Variants in COL6A1 observed in about 807,000 individuals in gnomAD.
COL6A1 encodes the protein collagen type VI alpha 1 chain, also known as collagen alpha-1(VI) chain.
A neutral mutation model predicts 145.6 loss-of-function variants in COL6A1; 80 were observed. The observed-to-expected ratio is 0.55, with a 90% CI of 0.46 to 0.66. The LOEUF is 0.66. Among genes scored for constraint, COL6A1 ranks in the 30% least tolerant of loss-of-function variants. COL6A1 has a pLI of 0.00. For missense variants in COL6A1, 1,364 were observed against 1,473.8 expected (o/e 0.93, Z 1.22); for synonymous variants, 638 against 622.8 (o/e 1.02, Z -0.36).
rs756351327 is a variant in COL6A1 at position 45,982,758 on chromosome 21, G to A, written c.222G>A (p.Arg74=). The change falls in exon 2 of 35, where the codon AGG becomes AGA. Residue 74 remains arginine (R), a synonymous_variant. Transcript: ENST00000361866. ...SFTKRFIDNL[R]DRYYRCDRNL... is the part of the protein sequence containing the mutation. ...CCAAGCGCTTCATCGACAACCTGAGGGACAGGTAGGAGGGACGCCCCGTGA... is the reference window on the plus strand; with the variant it reads ...CCAAGCGCTTCATCGACAACCTGAGAGACAGGTAGGAGGGACGCCCCGTGA... 3.1e-6 allele frequency: 5 copies of A among 1,612,230 alleles called. No homozygotes were observed. Among genetic ancestry groups the A allele is most frequent in the Non-Finnish European group, 4.2e-6 (5 of 1,179,936 alleles).
chr21:45,993,299 A>G (rs998594831), intron 19 of COL6A1, among the ~76,000 whole-genome samples: 1 of 152,176 alleles, frequency 6.6e-6, no homozygotes, highest in Admixed American at 6.5e-5. Context: ...CCCACAGCCC[A>G]GCCTCAGGGT....
intron 20 of COL6A1, among the ~76,000 whole-genome samples, chr21:45,995,796 A>G (rs1248499356): frequency 2.0e-5 from 3 of 152,020 alleles, no homozygotes; most frequent in Non-Finnish European, 4.4e-5. Context: ...GTGACCCATG[A>G]CTCACAGTTG....
chr21:45,991,107 C>A, intron 15 of COL6A1, 66 bp downstream of exon 15: 1 of 1,556,058 alleles, frequency 6.4e-7, no homozygotes, highest in Non-Finnish European at 8.9e-7. Flanking sequence ...AATTGGAAAC[C>A]TCTCCTGGAA....
At chr21:45,995,620 G>A (rs2077800552) in intron 20 of COL6A1, among the ~76,000 whole-genome samples, 3 of 152,258 alleles carry the variant, frequency 2.0e-5, no homozygotes, top group South Asian at 4.1e-4. Context: ...ACTTTCAAAG[G>A]GTTGTGGTAA....
Position 45,994,147 on chromosome 21 carries a change from C to CA in COL6A1, c.1336-19dup. Reference sequence around the variant, plus strand: ...CCCAAGGATGGCCCAGCTCCACACTCACGGCTCGTTTCTCTTCAGGGTGAA... The same window carrying CA: ...CCCAAGGATGGCCCAGCTCCACACTCAACGGCTCGTTTCTCTTCAGGGTGAA... On this transcript the variant is annotated intron_variant, in intron 19 of 34. Coordinates refer to ENST00000361866, the MANE Select transcript of COL6A1 (RefSeq NM_001848.3). The surrounding 1 kb of genome is among the most constrained non-coding windows in gnomAD (Gnocchi z 6.8). 8.2e-6 allele frequency: 13 copies of CA among 1,588,686 alleles called. No individual in the cohort carries two copies. Among genetic ancestry groups the CA allele is most frequent in the Non-Finnish European group, 7.7e-6 (9 of 1,168,432 alleles).
In COL6A1 at chr21:46,004,259, C is replaced by T. The variant is rs1232902606; in HGVS notation, c.*246C>T. ...CTCAGCCCTGAGCTAGTGTCACCTG[C>T]ACAGGGCCCTCTGAGGCTCAGCCCT... is the stretch of plus-strand genomic sequence containing the variant. On this transcript the variant is annotated 3_prime_UTR_variant, in exon 35 of 35. Coordinates refer to ENST00000361866, the MANE Select transcript of COL6A1 (RefSeq NM_001848.3). 8.5e-6 allele frequency: 5 copies of T among 585,190 alleles called. No individual in the cohort carries two copies. Among genetic ancestry groups the T allele is most frequent in the South Asian group, 6.1e-5 (3 of 49,004 alleles). The allele number at this position is 585,190 out of a possible 1,614,324, so 36.2% of individuals were successfully genotyped here.
chr21:45,981,797 G>A lies in COL6A1; in HGVS notation c.-54G>A, dbSNP rs2077708338. ...AAGGCAGCCTCGGTCTCTGGGCGGC[G>A]GCGGCGGCCCACTCTGCCCTGGCCG... On this transcript the variant is annotated 5_prime_UTR_variant, in exon 1 of 35. Coordinates refer to ENST00000361866, the MANE Select transcript of COL6A1 (RefSeq NM_001848.3). 3 of 1,387,880 alleles carry A rather than the reference G, an allele frequency of 2.2e-6. No homozygotes were observed. Among genetic ancestry groups the A allele is most frequent in the Admixed American group, 2.0e-5 (1 of 48,874 alleles). The allele number at this position is 1,387,880 out of a possible 1,614,324, so 86.0% of individuals were successfully genotyped here. A position where few individuals can be genotyped will look rare whatever the true frequency, so the allele number is the denominator to read the frequency against.
chr21:46,000,176 G>A (rs920525082), intron 27 of COL6A1, among the ~76,000 whole-genome samples, 155 bp from the exon 28 acceptor site: 1 of 151,916 alleles, frequency 6.6e-6, no homozygotes, highest in African/African-American at 2.4e-5. Flanking sequence ...TAGCAGGGGT[G>A]TAGTGGGCAG....
intron 25 of COL6A1, 48 bp from the exon 26 acceptor site, chr21:45,999,105 A>G (rs759134087): frequency 1.5e-4 from 227 of 1,556,662 alleles, no homozygotes; most frequent in Non-Finnish European, 1.9e-4. Context: ...CAGCGCGCAG[A>G]TGCCCGGGTG....
chr21:45,986,889 C>T (rs2077742214), intron 4 of COL6A1, 55 bp from the exon 5 acceptor site: 1 of 1,535,040 alleles, frequency 6.5e-7, no homozygotes, highest in Non-Finnish European at 8.7e-7. Flanking sequence ...TGGGAAGCGG[C>T]CCCGGCCGTC....
chr21:45,987,439 T>C, intron 6 of COL6A1, 60 bp from the exon 7 acceptor site: 16 of 1,609,550 alleles, frequency 9.9e-6, no homozygotes, highest in Non-Finnish European at 1.3e-5. Flanking sequence ...TGTCACCCTG[T>C]GTCCCAGCCG....
intron 13 of COL6A1, 91 bp downstream of exon 13, chr21:45,990,513 GGGGA>G (rs2123472614): frequency 7.0e-7 from 1 of 1,421,044 alleles, no homozygotes; most frequent in East Asian, 2.6e-5. Context: ...AAGGTGACCC[GGGGA>G]GGGATGGGGT....
chr21:45,986,849 C>T (rs569738710), intron 4 of COL6A1, 95 bp from the exon 5 acceptor site: 61 of 1,525,038 alleles, frequency 4.0e-5, no homozygotes, highest in South Asian at 1.7e-4. Context: ...GAGCCTGGAG[C>T]GCCCCAGCCC....
chr21:45,989,474 A>G lies in COL6A1; in HGVS notation c.859-134A>G, dbSNP rs1267135508. 7 of 951,700 alleles carry G rather than the reference A, an allele frequency of 7.4e-6. No homozygotes were observed. In the South Asian group the frequency reaches 8.1e-5, roughly 11 times the overall value. 59.0% of individuals were successfully genotyped at this position (951,700 alleles called of 1,614,324 possible). ...CTCCACCTTGGAGGGCCTCGGCACC[A>G]TGGGCCCCGTGCAGCAGGGCCCCTC... On this transcript the variant is annotated intron_variant, in intron 9 of 34. Transcript: ENST00000361866.
At chr21:45,985,276 A>G (rs948165711) in intron 3 of COL6A1, among the ~76,000 whole-genome samples, 7 of 151,930 alleles carry the variant, frequency 4.6e-5, no homozygotes, top group African/African-American at 1.7e-4. Context: ...ATAGAGACAG[A>G]GGGACAGAGA....
chr21:45,990,001 GGT>G (rs1239715778), intron 11 of COL6A1, among the ~76,000 whole-genome samples: 9 of 11,784 alleles, frequency 7.6e-4, no homozygotes, highest in South Asian at 2.4e-3. Context: ...CCAGAGCAGG[GGT>G]CCCCCGGGCG....
chr21:46,002,249 G>A lies in COL6A1; in HGVS notation c.2098G>A (p.Gly700Ser), dbSNP rs772077155. Residue 700 changes from glycine (G) to serine (S), a missense_variant, in exon 32 of 35, where the codon GGC becomes AGC. This residue lies in a region of COL6A1 where 938 missense variants were observed against 1,003.8 expected (regional missense o/e 0.93). Coordinates refer to ENST00000361866, the MANE Select transcript of COL6A1 (RefSeq NM_001848.3). ...CAAGAGCCTGCAGTGGATGGCGGGC[G>A]GCACCTTCACGGGGGAGGCCCTGCA... ...AIKSLQWMAG[G>S]TFTGEALQYT... The A allele has an allele frequency of 6.2e-6, 10 of 1,602,520 alleles. No individual in the cohort carries two copies. In the Admixed American group the frequency reaches 6.8e-5, roughly 11 times the overall value.
chr21:45,997,755 G>A lies in COL6A1; in HGVS notation c.1517G>A (p.Gly506Asp). ...CCCCCTGGAGACCCGGGGCTGATGG[G>A]TGAAAGGGTGAGTGTCCAACAGCTC... ...AGPPGDPGLM[G>D]ERGEDGPAGN... Residue 506 changes from glycine (G) to aspartate (D), a missense_variant, in exon 22 of 35, where the codon GGT (glycine) becomes GAT (aspartate). Gly to Asp is a moderately conservative substitution (Grantham distance 94, BLOSUM62 -1). This residue lies in a region of COL6A1 where 938 missense variants were observed against 1,003.8 expected (regional missense o/e 0.93). Transcript: ENST00000361866. 1 of 1,590,980 alleles carries A rather than the reference G, an allele frequency of 6.3e-7. No individual in the cohort carries two copies. The highest frequency in any genetic ancestry group is 8.6e-7 in the Non-Finnish European group (1 of 1,168,932).
At chr21:46,001,649 G>T (rs1351741635) in intron 30 of COL6A1, among the ~76,000 whole-genome samples, 1 of 152,234 alleles carries the variant, frequency 6.6e-6, no homozygotes, top group Non-Finnish European at 1.5e-5. Context: ...GGTCCTGAGT[G>T]CTGGGTGTGG....
Sources: allele counts gnomAD v4.1 joint callset (sites outside exome capture counted in the v4.1 genomes callset), GRCh38; gene constraint gnomAD v4.1.1; regional missense constraint gnomAD v4.1.1; non-coding constraint Gnocchi (gnomAD v3.1); transcripts MANE v1.5; gene names NCBI Gene and HGNC (gene_info 2026-07-23, HGNC 2026-07-21).